The following ZNF33A variants were observed in gnomAD, a reference collection of about 807,000 sequenced individuals.
ZNF33A encodes the protein brain my041 protein.
Under a neutral mutation model 15.9 loss-of-function variants are expected in ZNF33A, and 9 were observed. The observed-to-expected ratio is 0.57, with a 90% CI of 0.34 to 0.99. The LOEUF is 0.99. ZNF33A is among the 50% of genes least tolerant of loss of function. The pLI is 0.02. For synonymous variants in ZNF33A, 294 were observed against 324.2 expected, an observed-to-expected ratio of 0.91 and a Z score of 1.00; for missense variants, 843 against 941.6, an observed-to-expected ratio of 0.90 and a Z score of 1.37.
At chr10:38,010,908 C>T (rs975838672) in intron 1 of ZNF33A, 125 bp downstream of exon 1, 8 of 1,214,374 alleles carry the variant, frequency 6.6e-6, no homozygotes, top group South Asian at 2.7e-5. Context: ...AAGGCGGGGA[C>T]GGCGGGGCTG....
In ZNF33A at chr10:38,054,848, G is replaced by T; in HGVS notation, c.724G>T (p.Ala242Ser). Residue 242 changes from alanine to serine, a missense_variant, in exon 5 of 5, where the codon GCA becomes TCA. Physicochemically the swap from Ala to Ser is moderately conservative, Grantham distance 99. Transcript: ENST00000432900. ...ATTCAATACACAGAAGAGAGAGAACGCAGAAGAGAATAACTGTGATTATAA... is the reference window on the plus strand; with the variant it reads ...ATTCAATACACAGAAGAGAGAGAACTCAGAAGAGAATAACTGTGATTATAA... ...AVFNTQKREN[A>S]EENNCDYNEF... 1 of 1,613,208 alleles carries T rather than the reference G, an allele frequency of 6.2e-7. No individual in the cohort carries two copies. The highest frequency in any genetic ancestry group is 8.5e-7 in the Non-Finnish European group (1 of 1,179,844).
intron 4 of ZNF33A, among the ~76,000 whole-genome samples, chr10:38,030,640 C>T (rs895433710): frequency 3.3e-5 from 5 of 151,988 alleles, no homozygotes; most frequent in Non-Finnish European, 7.4e-5. Flanking sequence ...GAGAAGGCTC[C>T]TAAGGAGATC....
At chr10:38,036,470 C>T (rs937031468) in intron 4 of ZNF33A, among the ~76,000 whole-genome samples, 6 of 151,942 alleles carry the variant, frequency 3.9e-5, no homozygotes, top group Admixed American at 6.6e-5. Context: ...ATCTGTAACC[C>T]GCCACATCAA....
downstream of ZNF33A, among the ~76,000 whole-genome samples, chr10:38,067,156 A>C (rs1055902053): frequency 2.6e-5 from 4 of 152,190 alleles, no homozygotes; most frequent in African/African-American, 4.8e-5. Context: ...CTACCAGGAA[A>C]AAGGCCCAAT....
At chr10:38,026,237 T>C (rs1425292307) in intron 4 of ZNF33A, among the ~76,000 whole-genome samples, 1 of 150,640 alleles carries the variant, frequency 6.6e-6, no homozygotes, top group African/African-American at 2.4e-5. Flanking sequence ...TTCAGTTCTT[T>C]TGGATATAAA....
At chr10:38,062,935 G>A (rs1243980080), downstream of ZNF33A, among the ~76,000 whole-genome samples, 2 of 148,500 alleles carry the variant, frequency 1.3e-5, no homozygotes, top group African/African-American at 2.5e-5. Context: ...CCCAGGAGGC[G>A]GAGCTTGCAG....
intron 2 of ZNF33A, among the ~76,000 whole-genome samples, chr10:38,016,472 T>C (rs1019242752): frequency 6.6e-6 from 1 of 152,094 alleles, no homozygotes; most frequent in East Asian, 1.9e-4. Flanking sequence ...CGTAATAGAG[T>C]GTTTTTCATA....
chr10:38,054,110 T>C (rs1431162416), intron 4 of ZNF33A, among the ~76,000 whole-genome samples: 3 of 152,210 alleles, frequency 2.0e-5, no homozygotes, highest in Non-Finnish European at 2.9e-5. Flanking sequence ...ATTATTCTTC[T>C]TACACTAGAA....
rs372091210 is a variant in ZNF33A, at chr10:38,055,121, G to A, written c.997G>A (p.Glu333Lys). Reference sequence around the variant, plus strand: ...AGGAGAGAAACACTTTGAATGTAATGAATGTGGGAAAGCTTTCTGGGAGAA... The same window carrying A: ...AGGAGAGAAACACTTTGAATGTAATAAATGTGGGAAAGCTTTCTGGGAGAA... The part of the protein sequence containing the change: ...DKGEKHFECN[E>K]CGKAFWEKSH... Residue 333 changes from glutamate (E) to lysine (K), a missense_variant, in exon 5 of 5, where the codon GAA becomes AAA. By Grantham distance (56) the Glu-to-Lys change is moderately conservative. Transcript: ENST00000432900. The A allele has an allele frequency of 6.2e-7, 1 of 1,614,132 alleles. No individual in the cohort carries two copies. The highest frequency in any genetic ancestry group is 1.1e-5 in the South Asian group (1 of 91,082).
At chr10:38,040,545 A>G (rs2065654304) in intron 4 of ZNF33A, among the ~76,000 whole-genome samples, 1 of 152,162 alleles carries the variant, frequency 6.6e-6, no homozygotes, top group South Asian at 2.1e-4. Context: ...TTGTTATATT[A>G]ATAAAATTCC....
rs909638704 is a variant in ZNF33A, at chr10:38,058,594, A to AC, written c.*2039dup. The stretch of plus-strand genomic sequence containing the variant: ...AGACCAGCCTGGTCAACATGGTGAA[A>AC]CCCCCTATCTACTAAAAATACAAAA... On this transcript the variant is annotated 3_prime_UTR_variant, in exon 5 of 5. Transcript: ENST00000432900. 1 of 152,018 alleles carries AC rather than the reference A, an allele frequency of 6.6e-6. No individual in the cohort carries two copies. The highest frequency in any genetic ancestry group is 6.6e-5 in the Admixed American group (1 of 15,240). 9.4% of individuals were successfully genotyped at this position (152,018 alleles called of 1,614,324 possible).
rs756519223 is a variant in ZNF33A at position 38,017,428 on chromosome 10, GT to G, written c.250+44del. 31 of 1,515,268 alleles carry G rather than the reference GT, an allele frequency of 2.0e-5. No individual in the cohort carries two copies. In the East Asian group the frequency reaches 7.0e-4, roughly 34 times the overall value. 93.9% of individuals were successfully genotyped at this position (1,515,268 alleles called of 1,614,324 possible). A position where few individuals can be genotyped will look rare whatever the true frequency, so the allele number is the denominator to read the frequency against. On this transcript the variant is annotated intron_variant, in intron 4 of 4. Transcript: ENST00000432900. ...TGCACAGATTCACATCAGGGGATTT[GT>G]TGTTTCCCAGTAGTTAATTCAGGGT...
intron 4 of ZNF33A, among the ~76,000 whole-genome samples, chr10:38,036,765 G>T (rs1475262491): frequency 6.6e-6 from 1 of 152,124 alleles, no homozygotes; most frequent in East Asian, 1.9e-4. Flanking sequence ...AAAATAAGAG[G>T]CATACAGATG....
Position 38,055,507 on chromosome 10 carries a change from A to G in ZNF33A, c.1383A>G (p.Arg461=). The G allele has an allele frequency of 6.2e-7, 1 of 1,614,112 alleles. No homozygotes were observed. Among genetic ancestry groups the G allele is most frequent in the South Asian group, 1.1e-5 (1 of 91,074 alleles). ...CTTCGCACCTTAAAGTACACCAGAG[A>G]ACTCACACAGGTGAGAAACCTTTTG... ...RVTSHLKVHQ[R]THTGEKPFEC... is the part of the protein sequence containing the mutation. The change falls in exon 5 of 5, where the codon AGA becomes AGG. Residue 461 remains arginine (R), a synonymous_variant. Transcript: ENST00000432900.
chr10:38,018,087 T>C (rs596118), intron 4 of ZNF33A, among the ~76,000 whole-genome samples: 133,477 of 152,230 alleles, frequency 0.88, 58,648 homozygotes, highest in South Asian at 0.94. Flanking sequence ...GAGTGAGACT[T>C]TGTCTCAAAA....
At chr10:38,060,698 G>A (rs2066645663), downstream of ZNF33A, among the ~76,000 whole-genome samples, 1 of 152,160 alleles carries the variant, frequency 6.6e-6, no homozygotes, top group South Asian at 2.1e-4. Context: ...GCATAAACAG[G>A]ATGGCCCATC....
Position 38,057,706 on chromosome 10 carries a change from C to G in ZNF33A, c.*1146C>G, listed in dbSNP as rs190925233. The G allele has an allele frequency of 5.9e-4, 583 of 985,452 alleles. 18 individuals are homozygous for G. The East Asian group carries it at 0.036, about 61-fold the overall frequency. The allele number at this position is 985,452 out of a possible 1,614,324, so 61.0% of individuals were successfully genotyped here. A position where few individuals can be genotyped will look rare whatever the true frequency, so the allele number is the denominator to read the frequency against. ...CATGTTACTCCCTTTCTCTTCCTACCTGTGGCTCATGCCATGCCATGAAGT... is the reference window on the plus strand; with the variant it reads ...CATGTTACTCCCTTTCTCTTCCTACGTGTGGCTCATGCCATGCCATGAAGT... On this transcript the variant is annotated 3_prime_UTR_variant, in exon 5 of 5. Coordinates refer to ENST00000432900, the MANE Select transcript of ZNF33A (RefSeq NM_006954.2).
At chr10:38,047,741 G>A (rs1447396200) in intron 4 of ZNF33A, among the ~76,000 whole-genome samples, 1 of 150,638 alleles carries the variant, frequency 6.6e-6, no homozygotes, top group African/African-American at 2.4e-5. Flanking sequence ...AAAGGAAAGT[G>A]GGAAAAGAAC....
At position 38,047,572 on chromosome 10, in the gene ZNF33A, G is replaced by A. The variant is rs184310918; in HGVS notation, c.251-6803G>A. ...ACATGGGAGGCGGAGGTTGCAGTGA[G>A]CCGAGATTGCACCACTGCACTCCAG... On this transcript the variant is annotated intron_variant, in intron 4 of 4. Coordinates refer to ENST00000432900, the MANE Select transcript of ZNF33A (RefSeq NM_006954.2). Among the ~76,000 whole-genome samples, 472 of 145,582 alleles carry A rather than the reference G, an allele frequency of 3.2e-3. 1 individual carries two copies. Among genetic ancestry groups the A allele is most frequent in the Non-Finnish European group, 3.1e-3 (208 of 66,872 alleles).
Sources: allele counts gnomAD v4.1 joint callset (sites outside exome capture counted in the v4.1 genomes callset), GRCh38; gene constraint gnomAD v4.1.1; transcripts MANE v1.5; gene names NCBI Gene and HGNC (gene_info 2026-07-23, HGNC 2026-07-21).